HNF4G: variants seen among roughly 807,000 people sequenced by gnomAD.
HNF4G encodes hepatocyte nuclear factor 4 gamma.
Under a neutral mutation model 50.9 loss-of-function variants are expected in HNF4G, and 21 were observed. The observed-to-expected ratio is 0.41, with a 90% CI of 0.29 to 0.59. The LOEUF (loss-of-function observed/expected upper bound fraction) is 0.59. Ranked by LOEUF, HNF4G falls within the 20% of genes least tolerant of loss-of-function variation. The pLI, the probability that HNF4G is intolerant of heterozygous loss-of-function variation, is 0.26. For synonymous variants in HNF4G, 198 were observed against 185.6 expected (o/e 1.07, Z -0.54); for missense variants, 527 against 559.4 (o/e 0.94, Z 0.58).
intron 6 of HNF4G, among the ~76,000 whole-genome samples, 191 bp from the exon 7 acceptor site, chr8:75,558,327 G>A (rs1219064655): frequency 1.3e-5 from 2 of 152,110 alleles, no homozygotes. Context: ...CATTATTAAT[G>A]TTCTTGGTCC....
At chr8:75,438,565 C>T (rs762808951) in intron 1 of HNF4G, among the ~76,000 whole-genome samples, 5 of 151,978 alleles carry the variant, frequency 3.3e-5, no homozygotes, top group African/African-American at 4.8e-5. Flanking sequence ...TCCCTCCCTC[C>T]CTTCCTTTCT....
intron 1 of HNF4G, among the ~76,000 whole-genome samples, chr8:75,472,845 T>C (rs552712157): frequency 1.3e-5 from 2 of 152,204 alleles, no homozygotes; most frequent in South Asian, 4.1e-4. Context: ...TGGTTTCCTA[T>C]AGGGAATTAA....
intron 1 of HNF4G, among the ~76,000 whole-genome samples, chr8:75,425,708 G>C (rs1228806735): frequency 6.6e-6 from 1 of 151,268 alleles, no homozygotes; most frequent in African/African-American, 2.4e-5. Flanking sequence ...GATTAATTTC[G>C]CCTATTTTAC....
intron 1 of HNF4G, among the ~76,000 whole-genome samples, chr8:75,468,306 A>C (rs892381770): frequency 6.6e-6 from 1 of 152,112 alleles, no homozygotes; most frequent in African/African-American, 2.4e-5. Context: ...TTCTACACTT[A>C]AAGTTTTGCA....
At chr8:75,519,539 G>C (rs1352559628) in intron 2 of HNF4G, among the ~76,000 whole-genome samples, 1 of 152,176 alleles carries the variant, frequency 6.6e-6, no homozygotes, top group Non-Finnish European at 1.5e-5. Flanking sequence ...AGTTCCACGT[G>C]GCTGAGGAGG....
At chr8:75,542,474 T>C (rs1169781844) in intron 1 of HNF4G, among the ~76,000 whole-genome samples, 2 of 148,330 alleles carry the variant, frequency 1.3e-5, no homozygotes, top group Admixed American at 1.4e-4. Flanking sequence ...GAACTTTCTT[T>C]CCAGACAGAA....
chr8:75,493,850 A>G (rs1563528086), intron 2 of HNF4G, among the ~76,000 whole-genome samples: 1 of 152,166 alleles, frequency 6.6e-6, no homozygotes, highest in Non-Finnish European at 1.5e-5. Context: ...TTCAAAAAAA[A>G]TGTTTAAAAA....
At chr8:75,417,129 A>ATG (rs1810659776) in intron 1 of HNF4G, among the ~76,000 whole-genome samples, 3 of 151,986 alleles carry the variant, frequency 2.0e-5, no homozygotes, top group African/African-American at 7.2e-5. Context: ...GCGCACACAC[A>ATG]CACACACACA....
intron 1 of HNF4G, among the ~76,000 whole-genome samples, chr8:75,449,382 TTTAA>T (rs2130573115): frequency 6.7e-6 from 1 of 150,296 alleles, no homozygotes; most frequent in Non-Finnish European, 1.5e-5. Flanking sequence ...GTAAATTTGG[TTTAA>T]TTAACTAAAA....
At chr8:75,490,470 C>A (rs908005259) in intron 2 of HNF4G, among the ~76,000 whole-genome samples, 8 of 152,082 alleles carry the variant, frequency 5.3e-5, no homozygotes, top group African/African-American at 1.9e-4. Flanking sequence ...TATAAAATAT[C>A]ATAAATGTTT....
At chr8:75,521,977 G>C (rs535093848) in intron 2 of HNF4G, among the ~76,000 whole-genome samples, 8 of 152,126 alleles carry the variant, frequency 5.3e-5, no homozygotes, top group Non-Finnish European at 1.2e-4. Context: ...ACTTAAGATG[G>C]GGTTACTTTG....
rs184556985 is a variant in HNF4G, at chr8:75,435,648, C to T, written c.-144+27486C>T. Among the ~76,000 whole-genome samples the T allele has an allele frequency of 6.9e-4, 105 of 152,294 alleles. 1 individual carries two copies. The East Asian group carries it at 0.018, about 25-fold the overall frequency. On this transcript the variant is annotated intron_variant, in intron 1 of 10. Coordinates refer to the HNF4G transcript ENST00000354370. ...TCACTCTGTCACCCAGGCTGGAGTG[C>T]AGTGGCATGATCTGGGCTCACTGCA...
intron 1 of HNF4G, among the ~76,000 whole-genome samples, chr8:75,409,574 T>A (rs1810448359): frequency 7.2e-6 from 1 of 138,548 alleles, no homozygotes; most frequent in Non-Finnish European, 1.5e-5. Flanking sequence ...CTGCAACCTC[T>A]ACCTCCCCAG....
At chr8:75,510,805 CTG>C (rs1242534381) in intron 2 of HNF4G, among the ~76,000 whole-genome samples, 1 of 151,936 alleles carries the variant, frequency 6.6e-6, no homozygotes, top group Non-Finnish European at 1.5e-5. Flanking sequence ...AACATATCTC[CTG>C]TGTGTGTATA....
intron 1 of HNF4G, among the ~76,000 whole-genome samples, chr8:75,449,656 G>A (rs889573236): frequency 4.0e-4 from 61 of 151,614 alleles, no homozygotes; most frequent in African/African-American, 1.3e-3. Flanking sequence ...ACAGGCTCCC[G>A]CCACCACGCC....
chr8:75,490,989 T>A (rs1812616382), intron 2 of HNF4G, among the ~76,000 whole-genome samples: 2 of 152,182 alleles, frequency 1.3e-5, no homozygotes, highest in South Asian at 4.1e-4. Flanking sequence ...GTGCCTCTTA[T>A]AGTTTGGAAA....
chr8:75,436,199 T>C (rs1811132591), intron 1 of HNF4G, among the ~76,000 whole-genome samples: 1 of 152,190 alleles, frequency 6.6e-6, no homozygotes, highest in Non-Finnish European at 1.5e-5. Flanking sequence ...AGGACACTGT[T>C]TTTAAAATGA....
At chr8:75,462,575 T>C (rs913800621) in intron 1 of HNF4G, among the ~76,000 whole-genome samples, 1 of 152,232 alleles carries the variant, frequency 6.6e-6, no homozygotes, top group African/African-American at 2.4e-5. Context: ...TGGTGTTAAC[T>C]GCAACTGCAG....
At chr8:75,432,089 A>G (rs1326195338) in intron 1 of HNF4G, among the ~76,000 whole-genome samples, 1 of 151,940 alleles carries the variant, frequency 6.6e-6, no homozygotes, top group Non-Finnish European at 1.5e-5. Flanking sequence ...CTCTACAGAA[A>G]TAAAAAGAAA....
Sources: gnomAD v4.1 joint callset for allele counts (sites outside exome capture counted in the v4.1 genomes callset) on GRCh38, gnomAD v4.1.1 for gene constraint, MANE v1.5 for transcripts, NCBI Gene and HGNC (gene_info 2026-07-23, HGNC 2026-07-21) for gene names.